SCUBE1: variants seen among roughly 807,000 people sequenced by gnomAD.
The protein encoded by SCUBE1 is signal peptide, CUB and EGF-like domain-containing protein 1.
A neutral mutation model predicts 124.4 loss-of-function variants in SCUBE1; 59 were observed. That is an observed-to-expected ratio of 0.47 (90% CI 0.38 to 0.59). The LOEUF (loss-of-function observed/expected upper bound fraction) is 0.59, where lower values mean the gene tolerates loss of function less well. Ranked by LOEUF, SCUBE1 falls within the 20% of genes least tolerant of loss-of-function variation. The probability of loss-of-function intolerance (pLI) is 0.00; values close to 1 mark genes in which losing one functional copy is unlikely to be tolerated. For synonymous variants in SCUBE1, 545 were observed against 550.9 expected, an observed-to-expected ratio of 0.99 and a Z score of 0.15; for missense variants, 1,150 against 1,371.2, an observed-to-expected ratio of 0.84 and a Z score of 2.55.
At chr22:43,321,191 T>G (rs5759281) in intron 2 of SCUBE1, among the ~76,000 whole-genome samples, 1 of 152,002 alleles carries the variant, frequency 6.6e-6, no homozygotes. Flanking sequence ...TCCCCTATAG[T>G]GTAGAAGAGG....
intron 4 of SCUBE1, among the ~76,000 whole-genome samples, chr22:43,274,966 A>G (rs994354139): frequency 2.0e-5 from 3 of 152,202 alleles, no homozygotes; most frequent in Non-Finnish European, 4.4e-5. Flanking sequence ...CTTTGGGGAC[A>G]TAAGCCAATT....
chr22:43,220,740 G>A (rs1374538022), intron 13 of SCUBE1, among the ~76,000 whole-genome samples, 153 bp from the exon 14 acceptor site: 3 of 152,212 alleles, frequency 2.0e-5, no homozygotes, highest in Admixed American at 6.5e-5. Flanking sequence ...GCTGGCTCGG[G>A]GTCTCAGGAG....
At chr22:43,249,469 CT>C (rs1923352862) in intron 6 of SCUBE1, among the ~76,000 whole-genome samples, 1 of 152,154 alleles carries the variant, frequency 6.6e-6, no homozygotes, top group African/African-American at 2.4e-5. Flanking sequence ...TGTGTGCCCC[CT>C]AAGTGTCAGC....
At chr22:43,318,953 C>T (rs1210878691) in intron 3 of SCUBE1, among the ~76,000 whole-genome samples, 1 of 152,118 alleles carries the variant, frequency 6.6e-6, no homozygotes, top group Admixed American at 6.5e-5. Flanking sequence ...AACTTCGGAC[C>T]TCAGGTGATC....
At chr22:43,333,231 C>T (rs897642634) in intron 2 of SCUBE1, among the ~76,000 whole-genome samples, 2 of 152,218 alleles carry the variant, frequency 1.3e-5, no homozygotes, top group Non-Finnish European at 2.9e-5. Flanking sequence ...CAGATTCAAT[C>T]AAGAAAACAG....
At chr22:43,218,878 C>G (rs1601804526) in intron 14 of SCUBE1, among the ~76,000 whole-genome samples, 3 of 152,330 alleles carry the variant, frequency 2.0e-5, no homozygotes, top group African/African-American at 7.2e-5. Context: ...CCCCTCCACT[C>G]TGACACTCCC....
At chr22:43,307,325 A>G (rs571641235) in intron 3 of SCUBE1, among the ~76,000 whole-genome samples, 105 of 152,362 alleles carry the variant, frequency 6.9e-4, no homozygotes, top group Non-Finnish European at 1.3e-3. Flanking sequence ...AGCGTTCATC[A>G]GGAGGCTGGG....
intron 3 of SCUBE1, among the ~76,000 whole-genome samples, chr22:43,308,424 T>C (rs748386555): frequency 6.6e-5 from 10 of 152,252 alleles, no homozygotes; most frequent in Non-Finnish European, 1.5e-4. Flanking sequence ...GGAGTAAGTA[T>C]ATGACTGTCC....
chr22:43,331,668 C>T (rs971011025), intron 2 of SCUBE1, among the ~76,000 whole-genome samples: 11 of 152,160 alleles, frequency 7.2e-5, no homozygotes, highest in East Asian at 1.9e-4. Flanking sequence ...CCTTTTCCCT[C>T]GCAAATGTCT....
chr22:43,207,932 CCT>C (rs1921362747), intron 20 of SCUBE1, 138 bp downstream of exon 20: 3 of 995,750 alleles, frequency 3.0e-6, no homozygotes, highest in African/African-American at 1.6e-5. Flanking sequence ...GGCTCTGGCC[CCT>C]GACAGTGTTC....
At position 43,203,984 on chromosome 22, in the gene SCUBE1, C is replaced by T; in HGVS notation, c.*13G>A. On this transcript the variant is annotated 3_prime_UTR_variant, in exon 22 of 22. Transcript: ENST00000360835. ...CGGACCAGGCCACCCCCAGGCAGGG[C>T]CGCTCCCCCCGGTTATTTGTAGGGC... The T allele has an allele frequency of 1.2e-6, 2 of 1,613,690 alleles. No individual in the cohort carries two copies. Among genetic ancestry groups the T allele is most frequent in the Non-Finnish European group, 1.7e-6 (2 of 1,179,770 alleles).
chr22:43,202,415 A>C lies in SCUBE1; in HGVS notation c.*1582T>G, dbSNP rs1179499485. 2 of 152,194 alleles carry C rather than the reference A, an allele frequency of 1.3e-5. No individual in the cohort carries two copies. The highest frequency in any genetic ancestry group is 2.9e-5 in the Non-Finnish European group (2 of 68,042). 9.4% of individuals were successfully genotyped at this position (152,194 alleles called of 1,614,324 possible). On this transcript the variant is annotated 3_prime_UTR_variant, in exon 22 of 22. Coordinates refer to ENST00000360835, the MANE Select transcript of SCUBE1 (RefSeq NM_173050.5). ...TTCTCCCAGGTTCCTTGGGATTTTC[A>C]GTATTTGTTAACCTGAAACACACAG...
At chr22:43,219,432 G>A (rs1334318813) in intron 14 of SCUBE1, among the ~76,000 whole-genome samples, 1 of 152,194 alleles carries the variant, frequency 6.6e-6, no homozygotes, top group African/African-American at 2.4e-5. Context: ...GATAAATTAT[G>A]CAGCCTCAGG....
intron 3 of SCUBE1, among the ~76,000 whole-genome samples, chr22:43,319,427 T>G (rs542581672): frequency 8.6e-5 from 13 of 151,418 alleles, no homozygotes; most frequent in Admixed American, 7.9e-4. Flanking sequence ...TAGCCAGGTG[T>G]GGTGGCACGC....
At chr22:43,281,874 T>A (rs1318501500) in intron 4 of SCUBE1, 1 of 152,614 alleles carries the variant, frequency 6.6e-6, no homozygotes, top group Non-Finnish European at 1.5e-5. Flanking sequence ...CAGGGTCCTG[T>A]CCCTCTGAGT....
intron 3 of SCUBE1, among the ~76,000 whole-genome samples, chr22:43,303,386 G>A (rs961241385): frequency 6.6e-6 from 1 of 152,244 alleles, no homozygotes; most frequent in African/African-American, 2.4e-5. Flanking sequence ...CCCCAGCTGG[G>A]CCTGCCACAT....
At position 43,210,936 on chromosome 22, in the gene SCUBE1, A is replaced by T; in HGVS notation, c.2369T>A (p.Val790Asp). The T allele has an allele frequency of 1.2e-6, 2 of 1,613,866 alleles. No individual in the cohort carries two copies. The highest frequency in any genetic ancestry group is 8.5e-7 in the Non-Finnish European group (1 of 1,179,904). ...TSTDFDGSTN[V>D]THCKNQHCGG... ...GCAGCACCCACTTTTGCAGTGTGTG[A>T]CGTTGGTGGAGCCATCGAAGTCTGT... The change falls in exon 18 of 22, where the codon GTC (valine) becomes GAC (aspartate). Residue 790 changes from valine (V) to aspartate (D), a missense_variant. By Grantham distance (152) the Val-to-Asp change is radical (BLOSUM62 -3). Coordinates refer to ENST00000360835, the MANE Select transcript of SCUBE1 (RefSeq NM_173050.5). The surrounding 1 kb of genome is among the most constrained non-coding windows in gnomAD (Gnocchi z 4.5).
chr22:43,206,441 G>T (rs1921284997), intron 21 of SCUBE1, among the ~76,000 whole-genome samples: 1 of 152,114 alleles, frequency 6.6e-6, no homozygotes, highest in Non-Finnish European at 1.5e-5. Flanking sequence ...GGAGACAGAT[G>T]CTCCTGCCCT....
Position 43,210,351 on chromosome 22 carries a change from G to GT in SCUBE1, c.2384-112dup, listed in dbSNP as rs1349358519. 19 of 903,186 alleles carry GT rather than the reference G, an allele frequency of 2.1e-5. No individual in the cohort carries two copies. Among genetic ancestry groups the GT allele is most frequent in the Non-Finnish European group, 2.8e-5 (18 of 634,986 alleles). The allele number at this position is 903,186 out of a possible 1,614,324, so 55.9% of individuals were successfully genotyped here. A position where few individuals can be genotyped will look rare whatever the true frequency, so the allele number is the denominator to read the frequency against. ...TAGGGCAGGGCTGGAAGGTGCTCTT[G>GT]TCCCCCCCCACACTAGCCCTCGGAC... On this transcript the variant is annotated intron_variant, in intron 18 of 21. Coordinates refer to ENST00000360835, the MANE Select transcript of SCUBE1 (RefSeq NM_173050.5). The surrounding 1 kb of genome is among the most constrained non-coding windows in gnomAD (Gnocchi z 4.5).
Sources: allele counts gnomAD v4.1 joint callset (sites outside exome capture counted in the v4.1 genomes callset), GRCh38; gene constraint gnomAD v4.1.1; non-coding constraint Gnocchi (gnomAD v3.1); transcripts MANE v1.5; gene names NCBI Gene and HGNC (gene_info 2026-07-23, HGNC 2026-07-21).